Variants in OR51B5 observed in about 807,000 individuals in gnomAD.
The protein encoded by OR51B5 is olfactory receptor 51B5.
For synonymous variants in OR51B5, 186 were observed against 144.8 expected (o/e 1.28, Z -2.04); for missense variants, 456 against 374.6 (o/e 1.22, Z -1.79).
intron 1 of OR51B5, among the ~76,000 whole-genome samples, chr11:5,359,223 C>A (rs376833156): frequency 1.4e-5 from 2 of 147,898 alleles, no homozygotes; most frequent in Admixed American, 6.8e-5. Flanking sequence ...GCAGATGACA[C>A]GATTGTATAT....
intron 1 of OR51B5, among the ~76,000 whole-genome samples, chr11:5,361,989 C>T (rs983898585): frequency 6.6e-6 from 1 of 152,188 alleles, no homozygotes; most frequent in African/African-American, 2.4e-5. Context: ...GAAAGAAAAA[C>T]TTACCAAATA....
intron 1 of OR51B5, among the ~76,000 whole-genome samples, chr11:5,491,622 G>T (rs1851581771): frequency 6.6e-6 from 1 of 152,198 alleles, no homozygotes; most frequent in Non-Finnish European, 1.5e-5. Flanking sequence ...GAAGACACGG[G>T]CAGCCCTTAC....
intron 1 of OR51B5, among the ~76,000 whole-genome samples, chr11:5,493,487 G>C (rs1031431990): frequency 6.6e-6 from 1 of 152,134 alleles, no homozygotes; most frequent in South Asian, 2.1e-4. Flanking sequence ...CCGAGAATCA[G>C]AGCTGAGACA....
intron 1 of OR51B5, among the ~76,000 whole-genome samples, chr11:5,396,156 C>T (rs367707195): frequency 1.1e-3 from 167 of 152,220 alleles, no homozygotes; most frequent in African/African-American, 3.9e-3. Context: ...TGTGCCTAGG[C>T]TGCAAGACAG....
At chr11:5,389,848 C>G in intron 1 of OR51B5, 2 of 1,613,852 alleles carry the variant, frequency 1.2e-6, no homozygotes, top group Middle Eastern at 1.6e-4. Flanking sequence ...TTATCACTGG[C>G]CAGCAAGTGG....
chr11:5,418,138 A>C (rs1589985400), intron 1 of OR51B5, among the ~76,000 whole-genome samples: 1 of 151,772 alleles, frequency 6.6e-6, no homozygotes, highest in Non-Finnish European at 1.5e-5. Context: ...CCTCATTCTC[A>C]GTAAACTATT....
intron 1 of OR51B5, among the ~76,000 whole-genome samples, chr11:5,480,139 G>A (rs1368213658): frequency 5.3e-5 from 8 of 152,102 alleles, no homozygotes; most frequent in Non-Finnish European, 1.5e-5. Context: ...TAAAAGAACA[G>A]AGATTATAAC....
At chr11:5,472,913 TC>T (rs1346654531) in intron 1 of OR51B5, among the ~76,000 whole-genome samples, 1 of 152,170 alleles carries the variant, frequency 6.6e-6, no homozygotes, top group Non-Finnish European at 1.5e-5. Context: ...AAGGTGACCA[TC>T]CTTGTTTGCC....
At chr11:5,377,882 A>T (rs1042974963) in intron 1 of OR51B5, among the ~76,000 whole-genome samples, 1 of 152,052 alleles carries the variant, frequency 6.6e-6, no homozygotes, top group South Asian at 2.1e-4. Context: ...AATGGCCATA[A>T]TGCCCAAGGT....
intron 1 of OR51B5, chr11:5,489,235 A>G: frequency 6.2e-7 from 1 of 1,614,024 alleles, no homozygotes; most frequent in Non-Finnish European, 8.5e-7. Flanking sequence ...TCACCGTGTC[A>G]TGACACACAC....
chr11:5,418,543 G>T (rs1042738296), intron 1 of OR51B5, among the ~76,000 whole-genome samples: 1 of 152,050 alleles, frequency 6.6e-6, no homozygotes, highest in Admixed American at 6.6e-5. Flanking sequence ...GGAATACTAC[G>T]CCGCCATGAA....
intron 1 of OR51B5, among the ~76,000 whole-genome samples, chr11:5,441,787 G>C (rs535658528): frequency 6.6e-6 from 1 of 152,126 alleles, no homozygotes; most frequent in Non-Finnish European, 1.5e-5. Context: ...GGCATAATAG[G>C]AGACAACATT....
At chr11:5,418,877 T>TTAAAAA (rs1554889686) in intron 1 of OR51B5, among the ~76,000 whole-genome samples, 11 of 133,644 alleles carry the variant, frequency 8.2e-5, no homozygotes, top group Admixed American at 1.5e-4. Context: ...TGAAGTATTA[T>TTAAAAA]AAAAAAAAAA....
chr11:5,435,295 T>C (rs1207342286), intron 1 of OR51B5, among the ~76,000 whole-genome samples: 1 of 152,232 alleles, frequency 6.6e-6, no homozygotes, highest in Non-Finnish European at 1.5e-5. Flanking sequence ...GTCTTAAACG[T>C]GCTTTCTCTA....
At chr11:5,413,445 T>C (rs1564805452) in intron 1 of OR51B5, among the ~76,000 whole-genome samples, 1 of 152,214 alleles carries the variant, frequency 6.6e-6, no homozygotes, top group Non-Finnish European at 1.5e-5. Flanking sequence ...AGAATGACTT[T>C]GATGACTTGA....
At chr11:5,428,198 T>A (rs558653259) in intron 1 of OR51B5, among the ~76,000 whole-genome samples, 3 of 152,256 alleles carry the variant, frequency 2.0e-5, no homozygotes, top group Admixed American at 2.0e-4. Context: ...ATCTGAATAT[T>A]CTTGAGAAGA....
chr11:5,355,922 T>C (rs557103571), intron 1 of OR51B5, among the ~76,000 whole-genome samples: 2 of 152,204 alleles, frequency 1.3e-5, no homozygotes, highest in Non-Finnish European at 2.9e-5. Flanking sequence ...CTGAGGGTCC[T>C]GTTAGAAGGA....
chr11:5,372,778 T>C (rs1334144907), intron 1 of OR51B5, among the ~76,000 whole-genome samples: 1 of 152,228 alleles, frequency 6.6e-6, no homozygotes, highest in Non-Finnish European at 1.5e-5. Flanking sequence ...TGTTTATTTT[T>C]GCTTTTGTTA....
intron 1 of OR51B5, chr11:5,454,586 A>C (rs1052445196): frequency 2.0e-5 from 12 of 597,144 alleles, no homozygotes; most frequent in East Asian, 5.6e-5. Flanking sequence ...AGGAGTTCCA[A>C]ATGAATAGTA....
Sources: gnomAD v4.1 joint callset for allele counts (sites outside exome capture counted in the v4.1 genomes callset) on GRCh38, gnomAD v4.1.1 for gene constraint, MANE v1.5 for transcripts, NCBI Gene and HGNC (gene_info 2026-07-23, HGNC 2026-07-21) for gene names.